ATL2: variants seen among roughly 807,000 people sequenced by gnomAD.
The protein encoded by ATL2 is atlastin-2.
ATL2 carries 31 observed loss-of-function variants against 73.9 expected under a neutral mutation model. The observed-to-expected ratio is 0.42, with a 90% CI of 0.32 to 0.57. The LOEUF is 0.57. ATL2 is among the 20% of genes least tolerant of loss of function. The pLI, the probability that ATL2 is intolerant of heterozygous loss-of-function variation, is 0.14. For synonymous variants in ATL2, 291 were observed against 237.5 expected, an observed-to-expected ratio of 1.23 and a Z score of -2.07; for missense variants, 738 against 702.6, an observed-to-expected ratio of 1.05 and a Z score of -0.57.
intron 2 of ATL2, among the ~76,000 whole-genome samples, chr2:38,341,170 C>G (rs75582456): frequency 0.019 from 2,932 of 152,284 alleles, 33 homozygotes; most frequent in Non-Finnish European, 0.029. Flanking sequence ...TACATTTGCA[C>G]TAAACAGCTT....
chr2:38,337,486 CAAAAAAAAAAAAAA>C (rs755029194), intron 2 of ATL2, among the ~76,000 whole-genome samples: 714 of 21,692 alleles, frequency 0.033, 27 homozygotes, highest in South Asian at 0.092. Flanking sequence ...ACTCTGTCTC[CAAAAAAAAAAAAAA>C]AAAAAAAAAA....
intron 1 of ATL2, among the ~76,000 whole-genome samples, chr2:38,368,536 G>A (rs1232062395): frequency 6.6e-6 from 1 of 152,188 alleles, no homozygotes; most frequent in Non-Finnish European, 1.5e-5. Flanking sequence ...ACAGGCATGA[G>A]CCACTGCACC....
intron 2 of ATL2, among the ~76,000 whole-genome samples, chr2:38,319,710 T>G (rs1339369141): frequency 2.0e-5 from 3 of 152,136 alleles, no homozygotes; most frequent in African/African-American, 7.2e-5. Flanking sequence ...GTTACACAGA[T>G]AAGCAAAACT....
chr2:38,299,522 C>A (rs1433350865), intron 10 of ATL2, among the ~76,000 whole-genome samples, 195 bp from the exon 11 acceptor site: 1 of 152,102 alleles, frequency 6.6e-6, no homozygotes, highest in Non-Finnish European at 1.5e-5. Context: ...GGACTGCCTG[C>A]CTGATTTTGT....
chr2:38,373,194 A>G (rs1462806332), intron 1 of ATL2, among the ~76,000 whole-genome samples: 2 of 152,168 alleles, frequency 1.3e-5, no homozygotes, highest in African/African-American at 4.8e-5. Context: ...TTCCCACTAC[A>G]TTATCCTCCC....
chr2:38,375,716 C>T (rs796595455), intron 1 of ATL2, among the ~76,000 whole-genome samples: 7 of 152,308 alleles, frequency 4.6e-5, no homozygotes, highest in African/African-American at 1.4e-4. Context: ...TTAATCCATC[C>T]GCATTCCAAA....
At chr2:38,355,330 T>C (rs570973598) in intron 1 of ATL2, among the ~76,000 whole-genome samples, 4 of 152,254 alleles carry the variant, frequency 2.6e-5, no homozygotes, top group East Asian at 3.9e-4. Flanking sequence ...TTTCATCACA[T>C]TGGTCAGGCT....
intron 2 of ATL2, among the ~76,000 whole-genome samples, chr2:38,329,857 G>A (rs898502053): frequency 2.0e-5 from 3 of 152,172 alleles, no homozygotes; most frequent in African/African-American, 7.2e-5. Flanking sequence ...AGCTGGGCAT[G>A]GTGGCTCACG....
At chr2:38,362,844 C>G (rs1344003856) in intron 1 of ATL2, among the ~76,000 whole-genome samples, 1 of 152,168 alleles carries the variant, frequency 6.6e-6, no homozygotes, top group East Asian at 1.9e-4. Flanking sequence ...GAAATGGAGG[C>G]AGGAGTTGTC....
chr2:38,322,054 T>C (rs950679018), intron 2 of ATL2, among the ~76,000 whole-genome samples: 10 of 152,238 alleles, frequency 6.6e-5, no homozygotes, highest in Admixed American at 2.6e-4. Flanking sequence ...TACCTTTATA[T>C]GGTTTTGCAG....
In ATL2 at chr2:38,314,682, T is replaced by G; in HGVS notation, c.655-18A>C. On this transcript the variant is annotated intron_variant, in intron 5 of 12. Coordinates refer to ENST00000378954, the MANE Select transcript of ATL2 (RefSeq NM_001135673.4). The stretch of plus-strand genomic sequence containing the variant: ...GTAAATAACTATTAAATAGAGTTAG[T>G]TAAAATAATGCCTCTAAAGAGATTG... 6.6e-7 allele frequency: 1 copy of G among 1,509,238 alleles called. No homozygotes were observed. Among genetic ancestry groups the G allele is most frequent in the South Asian group, 1.2e-5 (1 of 86,874 alleles). 93.5% of individuals were successfully genotyped at this position (1,509,238 alleles called of 1,614,324 possible). A position where few individuals can be genotyped will look rare whatever the true frequency, so the allele number is the denominator to read the frequency against.
intron 1 of ATL2, among the ~76,000 whole-genome samples, chr2:38,375,841 G>A (rs1257400416): frequency 6.6e-6 from 1 of 152,206 alleles, no homozygotes; most frequent in Non-Finnish European, 1.5e-5. Flanking sequence ...CGTTTTGGTT[G>A]GCAGACAATA....
chr2:38,307,527 G>A (rs1456061200), intron 9 of ATL2, among the ~76,000 whole-genome samples: 2 of 151,908 alleles, frequency 1.3e-5, no homozygotes, highest in East Asian at 3.9e-4. Context: ...AAACATTGGG[G>A]AAACCTTCCA....
At chr2:38,326,769 C>T (rs1376810070) in intron 2 of ATL2, among the ~76,000 whole-genome samples, 1 of 152,036 alleles carries the variant, frequency 6.6e-6, no homozygotes, top group African/African-American at 2.4e-5. Context: ...AGGTGGATCA[C>T]TTGAGGTCTG....
chr2:38,350,910 C>A (rs554389374), intron 1 of ATL2, among the ~76,000 whole-genome samples: 5 of 152,224 alleles, frequency 3.3e-5, no homozygotes, highest in Admixed American at 6.5e-5. Context: ...AGATCCTCAG[C>A]AAATTTCAAG....
At chr2:38,361,353 CAAA>C (rs921670483) in intron 1 of ATL2, among the ~76,000 whole-genome samples, 4 of 59,778 alleles carry the variant, frequency 6.7e-5, no homozygotes, top group East Asian at 6.0e-4. Flanking sequence ...GACTCCGTCT[CAAA>C]AAAAAAAAAA....
intron 2 of ATL2, among the ~76,000 whole-genome samples, chr2:38,338,982 A>C (rs1006412939): frequency 6.6e-6 from 1 of 152,174 alleles, no homozygotes; most frequent in African/African-American, 2.4e-5. Flanking sequence ...TGGGAGGCTG[A>C]GGCGGGCAGA....
At chr2:38,327,994 T>C (rs1349698724) in intron 2 of ATL2, among the ~76,000 whole-genome samples, 3 of 152,166 alleles carry the variant, frequency 2.0e-5, no homozygotes, top group African/African-American at 7.2e-5. Flanking sequence ...ATGCTATCTA[T>C]TTTAAAAACT....
At chr2:38,297,966 A>T in intron 12 of ATL2, 178 bp downstream of exon 12, 1 of 641,968 alleles carries the variant, frequency 1.6e-6, no homozygotes, top group Non-Finnish European at 2.6e-6. Flanking sequence ...AGTACATTAA[A>T]ATTATAACTT....
Sources: allele counts gnomAD v4.1 joint callset (sites outside exome capture counted in the v4.1 genomes callset), GRCh38; gene constraint gnomAD v4.1.1; transcripts MANE v1.5; gene names NCBI Gene and HGNC (gene_info 2026-07-23, HGNC 2026-07-21).